The following AGMO variants were observed in gnomAD, a reference collection of about 807,000 sequenced individuals.
AGMO encodes the protein alkylglycerol monooxygenase, also known as glyceryl-ether monooxygenase.
Under a neutral mutation model 60.2 loss-of-function variants are expected in AGMO, and 75 were observed. The ratio of observed to expected loss-of-function variants is 1.25; its 90% CI spans 1.03 to 1.51. The LOEUF (loss-of-function observed/expected upper bound fraction) is 1.51, where lower values mean the gene tolerates loss of function less well. Ranked by LOEUF, AGMO falls within the 40% of genes most tolerant of loss-of-function variation. The probability of loss-of-function intolerance (pLI) is 0.00; values close to 1 mark genes in which losing one functional copy is unlikely to be tolerated. For missense variants in AGMO, 763 were observed against 525.5 expected, an observed-to-expected ratio of 1.45 and a Z score of -4.42; for synonymous variants, 261 against 177.1, an observed-to-expected ratio of 1.47 and a Z score of -3.76.
At chr7:15,355,504 C>CAGAA (rs1782494463) in intron 12 of AGMO, among the ~76,000 whole-genome samples, 4 of 81,738 alleles carry the variant, frequency 4.9e-5, no homozygotes, top group Admixed American at 4.8e-4. Flanking sequence ...GACTCTGTCT[C>CAGAA]AAAAAAAAAA....
intron 4 of AGMO, among the ~76,000 whole-genome samples, chr7:15,430,559 A>G (rs1781199858): frequency 6.6e-6 from 1 of 151,426 alleles, no homozygotes; most frequent in African/African-American, 2.4e-5. Flanking sequence ...TGATAACAAA[A>G]AGCAAAGCAT....
At chr7:15,514,921 A>T (rs560234652) in intron 3 of AGMO, among the ~76,000 whole-genome samples, 1 of 152,156 alleles carries the variant, frequency 6.6e-6, no homozygotes. Context: ...TACATCATCT[A>T]TGTTAGGATT....
At chr7:15,193,793 A>C in the AGMO span, among the ~76,000 whole-genome samples, 1 of 152,128 alleles carries the variant, frequency 6.6e-6, no homozygotes, top group African/African-American at 2.4e-5. Flanking sequence ...TGATTTAGAA[A>C]ATTTTTTTCA....
At chr7:15,516,837 G>A (rs1377212437) in intron 3 of AGMO, among the ~76,000 whole-genome samples, 1 of 151,682 alleles carries the variant, frequency 6.6e-6, no homozygotes, top group African/African-American at 2.4e-5. Flanking sequence ...TAAGCAGTCT[G>A]AATTCCTTCT....
intron 5 of AGMO, among the ~76,000 whole-genome samples, chr7:15,398,168 C>A (rs1417352683): frequency 6.6e-6 from 1 of 152,108 alleles, no homozygotes; most frequent in Non-Finnish European, 1.5e-5. Context: ...GCTTCTGCTC[C>A]CCAGATGAAT....
intron 12 of AGMO, among the ~76,000 whole-genome samples, chr7:15,266,284 T>C (rs1783429569): frequency 6.6e-6 from 1 of 152,176 alleles, no homozygotes; most frequent in East Asian, 1.9e-4. Flanking sequence ...AAAAGAGTTC[T>C]GGAGATGGAC....
chr7:15,376,176 G>A (rs1305696205), intron 10 of AGMO, among the ~76,000 whole-genome samples: 2 of 151,442 alleles, frequency 1.3e-5, no homozygotes, highest in Admixed American at 6.6e-5. Context: ...GCTCATTTTG[G>A]CCCACATTCC....
At chr7:15,512,653 C>A (rs887784789) in intron 3 of AGMO, among the ~76,000 whole-genome samples, 2 of 152,170 alleles carry the variant, frequency 1.3e-5, no homozygotes, top group African/African-American at 4.8e-5. Context: ...CATATTGTCA[C>A]TTAGTAAATT....
intron 10 of AGMO, among the ~76,000 whole-genome samples, chr7:15,377,256 A>C (rs549302005): frequency 6.6e-6 from 1 of 152,126 alleles, no homozygotes; most frequent in African/African-American, 2.4e-5. Context: ...GTGGGAAACA[A>C]GCAAATACAA....
At chr7:15,400,056 T>C (rs1051999768) in intron 5 of AGMO, among the ~76,000 whole-genome samples, 1 of 152,200 alleles carries the variant, frequency 6.6e-6, no homozygotes, top group African/African-American at 2.4e-5. Flanking sequence ...TCCAGTTCTT[T>C]GTGCTAGTTA....
At chr7:15,379,674 A>G (rs1043888243) in intron 10 of AGMO, among the ~76,000 whole-genome samples, 8 of 152,260 alleles carry the variant, frequency 5.3e-5, no homozygotes, top group African/African-American at 9.6e-5. Flanking sequence ...TACCAGAGGT[A>G]CAAAGAAGAG....
intron 12 of AGMO, among the ~76,000 whole-genome samples, chr7:15,208,131 T>C (rs994476162): frequency 3.9e-5 from 6 of 152,176 alleles, no homozygotes; most frequent in Non-Finnish European, 8.8e-5. Flanking sequence ...CTTGTTTAAA[T>C]TGAAGCTTGA....
At chr7:15,196,284 T>G (rs1350165982), downstream of AGMO, among the ~76,000 whole-genome samples, 8 of 152,102 alleles carry the variant, frequency 5.3e-5, no homozygotes, top group Admixed American at 5.2e-4. Flanking sequence ...CCTGACCTCA[T>G]GTGATCCACC....
At chr7:15,548,048 A>T (rs1299747658) in intron 2 of AGMO, among the ~76,000 whole-genome samples, 2 of 151,086 alleles carry the variant, frequency 1.3e-5, no homozygotes, top group Non-Finnish European at 3.0e-5. Flanking sequence ...ACCCCCCAGC[A>T]GGGGCACACT....
chr7:15,216,439 G>C (rs948055497), intron 12 of AGMO, among the ~76,000 whole-genome samples: 1 of 151,958 alleles, frequency 6.6e-6, no homozygotes, highest in Non-Finnish European at 1.5e-5. Flanking sequence ...ATAGTGGTAA[G>C]TAACACTAAA....
intron 4 of AGMO, 52 bp downstream of exon 4, chr7:15,430,953 A>G: frequency 1.1e-6 from 1 of 896,548 alleles, no homozygotes; most frequent in Non-Finnish European, 1.6e-6. Context: ...GAAATAGCTG[A>G]GACTTAAAAA....
At chr7:15,360,415 G>C (rs1420336533) in intron 12 of AGMO, among the ~76,000 whole-genome samples, 3 of 152,160 alleles carry the variant, frequency 2.0e-5, no homozygotes, top group South Asian at 4.1e-4. Flanking sequence ...AGAAACCTTA[G>C]TGGTAACATG....
At chr7:15,422,857 T>A (rs928360618) in intron 4 of AGMO, among the ~76,000 whole-genome samples, 3 of 152,052 alleles carry the variant, frequency 2.0e-5, no homozygotes, top group Admixed American at 2.0e-4. Flanking sequence ...GGCCTGAAGA[T>A]TTCAAGGCAC....
At chr7:15,220,387 A>ATTT (rs112062138) in intron 12 of AGMO, among the ~76,000 whole-genome samples, 2 of 143,544 alleles carry the variant, frequency 1.4e-5, no homozygotes, top group African/African-American at 5.1e-5. Flanking sequence ...TTCCTGGCTA[A>ATTT]TTTTTTTTTT....
Sources: allele counts gnomAD v4.1 joint callset (sites outside exome capture counted in the v4.1 genomes callset), GRCh38; gene constraint gnomAD v4.1.1; transcripts MANE v1.5; gene names NCBI Gene and HGNC (gene_info 2026-07-23, HGNC 2026-07-21).